The following SPAG16 variants were observed in gnomAD, a reference collection of about 807,000 sequenced individuals.
SPAG16 encodes the protein sperm-associated antigen 16 protein.
A neutral mutation model predicts 80.4 loss-of-function variants in SPAG16; 86 were observed. The ratio of observed to expected loss-of-function variants is 1.07; its 90% CI spans 0.90 to 1.28. The LOEUF (loss-of-function observed/expected upper bound fraction) is 1.28. SPAG16 is among the 50% of genes most tolerant of loss of function. The pLI, the probability that SPAG16 is intolerant of heterozygous loss-of-function variation, is 0.00. For synonymous variants in SPAG16, 294 were observed against 265.9 expected, an observed-to-expected ratio of 1.11 and a Z score of -1.03; for missense variants, 870 against 765.3, an observed-to-expected ratio of 1.14 and a Z score of -1.61.
At chr2:213,934,143 T>C (rs886305207) in intron 12 of SPAG16, among the ~76,000 whole-genome samples, 1 of 152,208 alleles carries the variant, frequency 6.6e-6, no homozygotes, top group Non-Finnish European at 1.5e-5. Context: ...GGGACAGCCA[T>C]GGTCCAATCA....
At chr2:213,533,147 T>C (rs956641339) in intron 10 of SPAG16, among the ~76,000 whole-genome samples, 1 of 152,204 alleles carries the variant, frequency 6.6e-6, no homozygotes, top group Non-Finnish European at 1.5e-5. Flanking sequence ...AAATGAAAAT[T>C]AGCACATATA....
intron 11 of SPAG16, among the ~76,000 whole-genome samples, chr2:213,901,489 A>G (rs2077218365): frequency 6.6e-6 from 1 of 152,106 alleles, no homozygotes; most frequent in Non-Finnish European, 1.5e-5. Context: ...AACTTTTGTT[A>G]TTGTAGTGAA....
chr2:214,008,371 T>C (rs2047126459), intron 12 of SPAG16, among the ~76,000 whole-genome samples: 1 of 152,208 alleles, frequency 6.6e-6, no homozygotes, highest in African/African-American at 2.4e-5. Flanking sequence ...TTCTGTTCTA[T>C]GTATTTTTTT....
chr2:214,364,516 A>C (rs559061105), intron 15 of SPAG16, among the ~76,000 whole-genome samples: 1 of 152,258 alleles, frequency 6.6e-6, no homozygotes, highest in East Asian at 1.9e-4. Context: ...TCTTAAGGAC[A>C]GTCATCAGAG....
chr2:213,643,326 C>T (rs1228011479), intron 10 of SPAG16, among the ~76,000 whole-genome samples: 3 of 115,356 alleles, frequency 2.6e-5, no homozygotes, highest in Non-Finnish European at 1.7e-5. Flanking sequence ...AAGTTTGCTG[C>T]CAGATGTATT....
intron 11 of SPAG16, among the ~76,000 whole-genome samples, chr2:213,926,464 A>T: frequency 6.6e-6 from 1 of 151,378 alleles, no homozygotes; most frequent in Non-Finnish European, 1.5e-5. Flanking sequence ...TCGTAGCTTA[A>T]CTCCCACCTG....
intron 10 of SPAG16, among the ~76,000 whole-genome samples, chr2:213,856,799 T>C (rs947863110): frequency 6.6e-6 from 1 of 151,894 alleles, no homozygotes; most frequent in Non-Finnish European, 1.5e-5. Flanking sequence ...CATGAAACCA[T>C]TTTTTCATTT....
At chr2:213,408,093 AAGT>A (rs1415597545) in intron 9 of SPAG16, among the ~76,000 whole-genome samples, 1 of 150,124 alleles carries the variant, frequency 6.7e-6, no homozygotes, top group Non-Finnish European at 1.5e-5. Context: ...AGAAAAATAG[AAGT>A]AGTAAAAAAA....
intron 10 of SPAG16, among the ~76,000 whole-genome samples, chr2:213,781,423 C>A (rs2125582885): frequency 6.6e-6 from 1 of 152,032 alleles, no homozygotes; most frequent in South Asian, 2.1e-4. Context: ...TCTCCTAATC[C>A]CCCCCAGGTT....
rs909485286 is a variant in SPAG16 at position 214,068,143 on chromosome 2, T to G, written c.1528-40053T>G. 5.3e-5 allele frequency among the ~76,000 whole-genome samples: 8 copies of G among 152,118 alleles called. 1 individual carries two copies. The highest frequency in any genetic ancestry group is 1.9e-4 in the African/African-American group (8 of 41,446). ...CTAGTCACTTAATTTCTGGTGTCTA[T>G]CAATCAGTTCTTAAAAATGGAAACA... On this transcript the variant is annotated intron_variant, in intron 13 of 15. Transcript: ENST00000331683.
intron 13 of SPAG16, among the ~76,000 whole-genome samples, chr2:214,049,600 A>C (rs530103524): frequency 6.6e-6 from 1 of 152,366 alleles, no homozygotes; most frequent in African/African-American, 2.4e-5. Flanking sequence ...AATGTTTTCC[A>C]TCATACCATA....
intron 12 of SPAG16, among the ~76,000 whole-genome samples, chr2:214,008,377 T>C (rs1235497347): frequency 6.6e-6 from 1 of 152,214 alleles, no homozygotes; most frequent in Non-Finnish European, 1.5e-5. Flanking sequence ...TCTATGTATT[T>C]TTTTATTTTT....
intron 12 of SPAG16, among the ~76,000 whole-genome samples, chr2:213,983,000 C>T (rs1429587461): frequency 6.6e-6 from 1 of 151,872 alleles, no homozygotes; most frequent in African/African-American, 2.4e-5. Flanking sequence ...ATGAAATTTT[C>T]ACTCTTGAAT....
intron 10 of SPAG16, among the ~76,000 whole-genome samples, chr2:213,796,950 G>T (rs1319556311): frequency 6.6e-6 from 1 of 151,984 alleles, no homozygotes; most frequent in Non-Finnish European, 1.5e-5. Flanking sequence ...TTTAGTGAGA[G>T]AAGATGTGGA....
intron 12 of SPAG16, among the ~76,000 whole-genome samples, chr2:213,974,711 T>C (rs1439617097): frequency 6.6e-6 from 1 of 152,050 alleles, no homozygotes; most frequent in Non-Finnish European, 1.5e-5. Flanking sequence ...CATGTAACTC[T>C]CTGTTACACG....
At chr2:213,708,193 T>C (rs2065838720) in intron 10 of SPAG16, among the ~76,000 whole-genome samples, 1 of 152,212 alleles carries the variant, frequency 6.6e-6, no homozygotes, top group South Asian at 2.1e-4. Flanking sequence ...GTGTTACTTA[T>C]TAACTGTACA....
At chr2:213,673,386 T>C (rs2063899435) in intron 10 of SPAG16, among the ~76,000 whole-genome samples, 1 of 152,174 alleles carries the variant, frequency 6.6e-6, no homozygotes, top group Admixed American at 6.6e-5. Context: ...TGATGTACAG[T>C]ATTAATTTTT....
intron 3 of SPAG16, among the ~76,000 whole-genome samples, chr2:213,301,772 C>T (rs371986693): frequency 3.3e-5 from 5 of 152,210 alleles, no homozygotes; most frequent in African/African-American, 1.2e-4. Context: ...TGATATGCTT[C>T]CTGTTTAGTT....
chr2:214,325,064 AACTT>A (rs897871669), intron 15 of SPAG16, among the ~76,000 whole-genome samples: 44 of 152,160 alleles, frequency 2.9e-4, no homozygotes, highest in African/African-American at 1.1e-3. Flanking sequence ...TAGCTTCCCA[AACTT>A]ACTTATTTTT....
Sources: allele counts gnomAD v4.1 joint callset (sites outside exome capture counted in the v4.1 genomes callset), GRCh38; gene constraint gnomAD v4.1.1; transcripts MANE v1.5; gene names NCBI Gene and HGNC (gene_info 2026-07-23, HGNC 2026-07-21).